The following SLC10A7 variants were observed in gnomAD, a reference collection of about 807,000 sequenced individuals.
The protein encoded by SLC10A7 is solute carrier family 10 member 7.
SLC10A7 carries 29 observed loss-of-function variants against 43.2 expected under a neutral mutation model. The ratio of observed to expected loss-of-function variants is 0.67; its 90% CI spans 0.50 to 0.92. The LOEUF is 0.92. Ranked by LOEUF, SLC10A7 falls within the 40% of genes least tolerant of loss-of-function variation. SLC10A7 has a pLI of 0.00. For synonymous variants in SLC10A7, 152 were observed against 144.8 expected (o/e 1.05, Z -0.35); for missense variants, 295 against 403.2 (o/e 0.73, Z 2.30).
At position 146,448,031 on chromosome 4, in the gene SLC10A7, C is replaced by T. The variant is rs1035305872; in HGVS notation, c.397-5210G>A. Among the ~76,000 whole-genome samples the T allele has an allele frequency of 3.3e-5, 5 of 151,370 alleles. 1 individual carries two copies. The South Asian group carries it at 6.3e-4, about 19-fold the overall frequency. ...GAATTGAACAATGAGAACACATGGACACAGGAAGGGGAACATCACACATCA... is the reference window on the plus strand; with the variant it reads ...GAATTGAACAATGAGAACACATGGATACAGGAAGGGGAACATCACACATCA... On this transcript the variant is annotated intron_variant, in intron 4 of 11. Transcript: ENST00000335472.
At chr4:146,399,587 C>T (rs1200461446) in intron 5 of SLC10A7, among the ~76,000 whole-genome samples, 1 of 152,006 alleles carries the variant, frequency 6.6e-6, no homozygotes, top group Admixed American at 6.6e-5. Flanking sequence ...TTTGAATAGT[C>T]ATAGTGAAGA....
At chr4:146,357,397 G>A (rs1735734539) in intron 5 of SLC10A7, among the ~76,000 whole-genome samples, 1 of 152,080 alleles carries the variant, frequency 6.6e-6, no homozygotes, top group Non-Finnish European at 1.5e-5. Context: ...ATATTTTTGA[G>A]TGGAATACTT....
At chr4:146,387,207 C>T (rs1348914686) in intron 5 of SLC10A7, among the ~76,000 whole-genome samples, 1 of 152,104 alleles carries the variant, frequency 6.6e-6, no homozygotes, top group Admixed American at 6.5e-5. Context: ...AACATAGATG[C>T]AAGAATCCTC....
chr4:146,390,028 T>C (rs1284006220), intron 5 of SLC10A7, among the ~76,000 whole-genome samples: 1 of 152,230 alleles, frequency 6.6e-6, no homozygotes, highest in African/African-American at 2.4e-5. Context: ...ATTATAATAG[T>C]ACATAACATC....
chr4:146,495,766 A>AACACACACACAC lies in SLC10A7; in HGVS notation c.396+8071_396+8082dup, dbSNP rs57202992. Among the ~76,000 whole-genome samples, 727 of 139,612 alleles carry AACACACACACAC rather than the reference A, an allele frequency of 5.2e-3. 4 individuals are homozygous for AACACACACACAC. Among genetic ancestry groups the AACACACACACAC allele is most frequent in the East Asian group, 0.021 (100 of 4,662 alleles). 91.6% of individuals were successfully genotyped at this position (139,612 alleles called of 152,430 possible). A position where few individuals can be genotyped will look rare whatever the true frequency, so the allele number is the denominator to read the frequency against. On this transcript the variant is annotated intron_variant, in intron 4 of 11. Coordinates refer to ENST00000335472, the MANE Select transcript of SLC10A7 (RefSeq NM_001029998.6). ...AGCACCAGCCCCGTTGATGAAAGTAAACACACACACACACACACACACACA... is the reference window on the plus strand; with the variant it reads ...AGCACCAGCCCCGTTGATGAAAGTAAACACACACACACACACACACACACACACACACACACA...
intron 5 of SLC10A7, among the ~76,000 whole-genome samples, chr4:146,431,976 G>A (rs193109084): frequency 1.7e-4 from 26 of 152,268 alleles, no homozygotes; most frequent in South Asian, 6.2e-4. Context: ...AGATGGGCAA[G>A]AGATTTGAAC....
chr4:146,314,694 T>C (rs542002514), intron 6 of SLC10A7, among the ~76,000 whole-genome samples: 1 of 152,278 alleles, frequency 6.6e-6, no homozygotes, highest in South Asian at 2.1e-4. Flanking sequence ...CTTTCAGCAG[T>C]GGTCAAAGCT....
intron 7 of SLC10A7, among the ~76,000 whole-genome samples, chr4:146,298,149 C>T (rs1010575312): frequency 2.9e-4 from 44 of 152,090 alleles, no homozygotes; most frequent in Non-Finnish European, 3.1e-4. Context: ...CCTCACTTTC[C>T]GTGTGCCTCA....
At chr4:146,368,795 GA>G (rs1353471562) in intron 5 of SLC10A7, among the ~76,000 whole-genome samples, 8 of 152,130 alleles carry the variant, frequency 5.3e-5, no homozygotes, top group African/African-American at 1.9e-4. Flanking sequence ...GGAAAAAAAT[GA>G]TAATTCGTAA....
chr4:146,430,244 G>A (rs77867144), intron 5 of SLC10A7, among the ~76,000 whole-genome samples: 2,672 of 152,102 alleles, frequency 0.018, 69 homozygotes, highest in African/African-American at 0.062. Context: ...GGCCACACTC[G>A]GAGGATCCCT....
chr4:146,285,805 G>A (rs1255590559), intron 9 of SLC10A7, among the ~76,000 whole-genome samples: 1 of 152,122 alleles, frequency 6.6e-6, no homozygotes. Context: ...TGTGTTTGGA[G>A]TGGTGAGAAA....
At chr4:146,305,340 C>T (rs1045236830) in intron 7 of SLC10A7, among the ~76,000 whole-genome samples, 3 of 150,342 alleles carry the variant, frequency 2.0e-5, no homozygotes, top group Admixed American at 1.3e-4. Context: ...AAACCAAACA[C>T]CACATATTCT....
Position 146,280,515 on chromosome 4 carries a change from TATAAA to T in SLC10A7, c.847+2672_847+2676del, listed in dbSNP as rs1384614984. ...TGTGAGCCTTAAACTGCTTTAAAAATATAAAGTTTATTAAAAATAAAAACAAACAA... is the reference window on the plus strand; with the variant it reads ...TGTGAGCCTTAAACTGCTTTAAAAATGTTTATTAAAAATAAAAACAAACAA... On this transcript the variant is annotated intron_variant, in intron 10 of 11. Coordinates refer to ENST00000335472, the MANE Select transcript of SLC10A7 (RefSeq NM_001029998.6). Among the ~76,000 whole-genome samples the T allele has an allele frequency of 1.9e-4, 29 of 152,260 alleles. No homozygotes were observed. The East Asian group carries it at 5.2e-3, about 27-fold the overall frequency.
intron 4 of SLC10A7, among the ~76,000 whole-genome samples, chr4:146,474,092 G>T (rs1733826334): frequency 1.3e-5 from 2 of 149,312 alleles, no homozygotes; most frequent in Non-Finnish European, 1.5e-5. Context: ...GAAGAAAGTT[G>T]TTCTTTACTA....
At chr4:146,312,656 A>G (rs1243793280) in intron 6 of SLC10A7, among the ~76,000 whole-genome samples, 5 of 152,118 alleles carry the variant, frequency 3.3e-5, no homozygotes, top group South Asian at 2.1e-4. Context: ...GATTCCACAT[A>G]TAAGTGAGAT....
chr4:146,285,999 G>A (rs1317035293), intron 9 of SLC10A7, among the ~76,000 whole-genome samples: 1 of 150,764 alleles, frequency 6.6e-6, no homozygotes, highest in Non-Finnish European at 1.5e-5. Flanking sequence ...TGTTTGGAGT[G>A]GTGAAAAGGA....
At chr4:146,408,709 G>A (rs1412707069) in intron 5 of SLC10A7, 4 of 151,986 alleles carry the variant, frequency 2.6e-5, no homozygotes, top group Admixed American at 6.6e-5. Context: ...CACTAATGGA[G>A]GGAATATTTT....
At chr4:146,355,339 A>G (rs1040722478) in intron 5 of SLC10A7, among the ~76,000 whole-genome samples, 2 of 152,216 alleles carry the variant, frequency 1.3e-5, no homozygotes, top group African/African-American at 4.8e-5. Context: ...CCACTATGAG[A>G]TATCATCTCA....
chr4:146,389,329 AC>A (rs1738251335), intron 5 of SLC10A7, among the ~76,000 whole-genome samples: 1 of 151,292 alleles, frequency 6.6e-6, no homozygotes. Flanking sequence ...AAAAAAAAAA[AC>A]ATTAAAAGAG....
Sources: gnomAD v4.1 joint callset for allele counts (sites outside exome capture counted in the v4.1 genomes callset) on GRCh38, gnomAD v4.1.1 for gene constraint, MANE v1.5 for transcripts, NCBI Gene and HGNC (gene_info 2026-07-23, HGNC 2026-07-21) for gene names.